The following CLSTN2 variants were observed in gnomAD, a reference collection of about 807,000 sequenced individuals.
CLSTN2 encodes calsyntenin-2.
CLSTN2 carries 48 observed loss-of-function variants against 101.2 expected under a neutral mutation model. The observed-to-expected ratio is 0.47, with a 90% CI of 0.38 to 0.60. The LOEUF (loss-of-function observed/expected upper bound fraction) is 0.60, where lower values mean the gene tolerates loss of function less well. CLSTN2 is among the 20% of genes least tolerant of loss of function. CLSTN2 has a pLI of 0.00. For missense variants in CLSTN2, 1,160 were observed against 1,238.2 expected (o/e 0.94, Z 0.95); for synonymous variants, 481 against 463.6 (o/e 1.04, Z -0.48).
chr3:140,182,107 A>T (rs2010416827), intron 2 of CLSTN2, among the ~76,000 whole-genome samples: 1 of 152,170 alleles, frequency 6.6e-6, no homozygotes, highest in South Asian at 2.1e-4. Context: ...AATACTTGTT[A>T]ATCTCTCTTT....
intron 1 of CLSTN2, among the ~76,000 whole-genome samples, chr3:140,012,735 G>A (rs1048230640): frequency 1.3e-5 from 2 of 152,178 alleles, no homozygotes; most frequent in East Asian, 3.9e-4. Flanking sequence ...ATGTGTAGAA[G>A]GTGAGCTAGA....
At chr3:140,274,508 G>A (rs1229746260) in intron 2 of CLSTN2, among the ~76,000 whole-genome samples, 1 of 152,206 alleles carries the variant, frequency 6.6e-6, no homozygotes, top group South Asian at 2.1e-4. Flanking sequence ...GAACAAAAAG[G>A]TAGGAAGAGT....
intron 1 of CLSTN2, among the ~76,000 whole-genome samples, chr3:140,148,982 G>A (rs776606705): frequency 6.6e-6 from 1 of 152,180 alleles, no homozygotes; most frequent in Non-Finnish European, 1.5e-5. Flanking sequence ...CTTCAAGCCA[G>A]AGAGCGGAGG....
At chr3:140,408,271 A>G (rs1168825020) in intron 4 of CLSTN2, among the ~76,000 whole-genome samples, 4 of 152,198 alleles carry the variant, frequency 2.6e-5, no homozygotes, top group Non-Finnish European at 4.4e-5. Flanking sequence ...CTGAGCTTTC[A>G]GGACACTCCC....
chr3:140,430,644 G>T lies in CLSTN2; in HGVS notation c.787+9370G>T, dbSNP rs201661073. ...TTCGTGACCCCTGTGTGAAGCTCTT[G>T]TTGTCCATTGGCGCCTTAGCAGGGA... On this transcript the variant is annotated intron_variant, in intron 5 of 16. Coordinates refer to ENST00000458420, the MANE Select transcript of CLSTN2 (RefSeq NM_022131.3). 6.6e-5 allele frequency among the ~76,000 whole-genome samples: 10 copies of T among 152,258 alleles called. No individual in the cohort carries two copies. In the East Asian group the frequency reaches 1.6e-3, roughly 24 times the overall value.
intron 1 of CLSTN2, among the ~76,000 whole-genome samples, chr3:139,974,867 C>T (rs565957884): frequency 6.6e-6 from 1 of 152,272 alleles, no homozygotes; most frequent in South Asian, 2.1e-4. Flanking sequence ...TGGCCCTGTA[C>T]AGAGGTCTAG....
In CLSTN2 at chr3:140,333,379, G is replaced by A. The variant is rs1559841446; in HGVS notation, c.233-70250G>A. ...TAGCGTGTCTCTCTGTAAAAGGGAT[G>A]AGTGGACCAGATTATCTCTGAGAAC... On this transcript the variant is annotated intron_variant, in intron 2 of 16. Coordinates refer to ENST00000458420, the MANE Select transcript of CLSTN2 (RefSeq NM_022131.3). Among the ~76,000 whole-genome samples the A allele has an allele frequency of 3.9e-5, 6 of 152,282 alleles. 1 individual carries two copies. The highest frequency in any genetic ancestry group is 1.3e-4 in the Admixed American group (2 of 15,294).
In CLSTN2 at chr3:140,155,329, T is replaced by C. The variant is rs145932747; in HGVS notation, c.110-20622T>C. ...CTTGCTGATAAATTATGTATGGTGA[T>C]GTAAGAACTGCTTGTTAGGAAAAAG... On this transcript the variant is annotated intron_variant, in intron 1 of 16. Transcript: ENST00000458420. Among the ~76,000 whole-genome samples, 349 of 152,266 alleles carry C rather than the reference T, an allele frequency of 2.3e-3. 1 individual carries two copies. Among genetic ancestry groups the C allele is most frequent in the African/African-American group, 8.0e-3 (331 of 41,544 alleles).
Position 140,459,685 on chromosome 3 carries a change from A to T in CLSTN2, c.1138A>T (p.Thr380Ser). The change falls in exon 7 of 17, where the codon ACC becomes TCC. Residue 380 changes from threonine (T) to serine (S), a missense_variant. Thr to Ser is a moderately conservative substitution (Grantham distance 58). Coordinates refer to ENST00000458420, the MANE Select transcript of CLSTN2 (RefSeq NM_022131.3). ...GCCCAAGAACCTGACCGATCAGTTC[A>T]CCATCACCATGTGGATGAAACACGG... ...IVPKNLTDQF[T>S]ITMWMKHGPS... is the part of the protein sequence containing the mutation. 1 of 1,614,140 alleles carries T rather than the reference A, an allele frequency of 6.2e-7. No homozygotes were observed. Among genetic ancestry groups the T allele is most frequent in the Non-Finnish European group, 8.5e-7 (1 of 1,180,010 alleles).
intron 1 of CLSTN2, among the ~76,000 whole-genome samples, chr3:140,063,969 C>T (rs1312819475): frequency 6.6e-6 from 1 of 152,190 alleles, no homozygotes; most frequent in African/African-American, 2.4e-5. Context: ...TGCTTGTGTT[C>T]AATCCCAGAA....
At chr3:140,547,760 G>A (rs1327992611) in intron 10 of CLSTN2, among the ~76,000 whole-genome samples, 1 of 152,144 alleles carries the variant, frequency 6.6e-6, no homozygotes, top group Non-Finnish European at 1.5e-5. Flanking sequence ...ATGAGGTCCT[G>A]AATAAAGAGC....
intron 1 of CLSTN2, among the ~76,000 whole-genome samples, chr3:140,056,066 C>T (rs1262027767): frequency 6.6e-6 from 1 of 152,122 alleles, no homozygotes; most frequent in Non-Finnish European, 1.5e-5. Context: ...AGGGGGCCTA[C>T]TCTGGAGGGG....
intron 2 of CLSTN2, among the ~76,000 whole-genome samples, chr3:140,329,362 G>A (rs935984693): frequency 3.3e-5 from 5 of 152,172 alleles, no homozygotes; most frequent in African/African-American, 1.2e-4. Context: ...CTCCATCCTG[G>A]GTGACAGATT....
At chr3:140,104,835 A>G (rs1294900104) in intron 1 of CLSTN2, among the ~76,000 whole-genome samples, 5 of 152,184 alleles carry the variant, frequency 3.3e-5, no homozygotes, top group Admixed American at 3.3e-4. Flanking sequence ...TTAGCCAGGC[A>G]TGGTGATGCA....
chr3:140,190,438 CAA>C (rs35206840), intron 2 of CLSTN2, among the ~76,000 whole-genome samples: 4,497 of 82,860 alleles, frequency 0.054, 26 homozygotes, highest in Non-Finnish European at 0.077. Flanking sequence ...TCTATAGCTA[CAA>C]AAAAAAAAAA....
At chr3:140,160,622 AT>A (rs60958109) in intron 1 of CLSTN2, among the ~76,000 whole-genome samples, 6,283 of 147,784 alleles carry the variant, frequency 0.043, 267 homozygotes, top group African/African-American at 0.11. Flanking sequence ...TATTCATCCT[AT>A]TTTTTTTTTC....
At chr3:140,326,887 G>T (rs561205581) in intron 2 of CLSTN2, among the ~76,000 whole-genome samples, 4 of 152,078 alleles carry the variant, frequency 2.6e-5, no homozygotes, top group African/African-American at 4.8e-5. Flanking sequence ...AGAGTGAAAG[G>T]TCGACTTTTT....
At chr3:140,464,985 A>G (rs1171853312) in intron 7 of CLSTN2, among the ~76,000 whole-genome samples, 4 of 152,218 alleles carry the variant, frequency 2.6e-5, no homozygotes, top group African/African-American at 9.6e-5. Flanking sequence ...AGGCAGTGTG[A>G]TAGTCCTTCT....
At chr3:139,995,366 G>A (rs1936185067) in intron 1 of CLSTN2, among the ~76,000 whole-genome samples, 1 of 152,164 alleles carries the variant, frequency 6.6e-6, no homozygotes, top group African/African-American at 2.4e-5. Context: ...TGTCTATCCT[G>A]ATTTTTCTCT....
Sources: allele counts gnomAD v4.1 joint callset (sites outside exome capture counted in the v4.1 genomes callset), GRCh38; gene constraint gnomAD v4.1.1; transcripts MANE v1.5; gene names NCBI Gene and HGNC (gene_info 2026-07-23, HGNC 2026-07-21).